The following MRPL28 variants were observed in gnomAD, a reference collection of about 807,000 sequenced individuals.
MRPL28 encodes the protein mitochondrial ribosomal protein L28, also known as large ribosomal subunit protein bL28m.
Under a neutral mutation model 26.2 loss-of-function variants are expected in MRPL28, and 25 were observed. That is an observed-to-expected ratio of 0.95 (90% confidence interval 0.69 to 1.33). The LOEUF (loss-of-function observed/expected upper bound fraction) is 1.33. MRPL28 is among the 40% of genes most tolerant of loss of function. The pLI, the probability that MRPL28 is intolerant of heterozygous loss-of-function variation, is 0.00. For synonymous variants in MRPL28, 227 were observed against 140.1 expected (o/e 1.62, Z -4.38); for missense variants, 432 against 327.2 (o/e 1.32, Z -2.47).
intron 1 of MRPL28, 26 bp from the exon 2 acceptor site, chr16:370,251 C>G (rs369286153): frequency 3.9e-6 from 6 of 1,527,292 alleles, no homozygotes. Context: ...GGCTCGCAGT[C>G]AGTCGCAGCC....
In MRPL28 at chr16:370,174, C is replaced by G. The variant is rs1370883900; in HGVS notation, c.45G>C (p.Gln15His). 1.3e-6 allele frequency: 2 copies of G among 1,599,276 alleles called. No homozygotes were observed. The highest frequency in any genetic ancestry group is 1.3e-5 in the African/African-American group (1 of 74,714). ...GGCGGGAACAGATGCCCTCCCGCAG[C>G]TGCAGCCGCTTCCAGAGCCACACGG... ...KYPVWLWKRLQLREGICSRLP... is the reference protein window; with the variant it reads ...KYPVWLWKRLHLREGICSRLP... Residue 15 changes from glutamine to histidine, a missense_variant, in exon 2 of 6, where the codon CAG becomes CAC. By Grantham distance (24) the Gln-to-His change is conservative. Coordinates refer to ENST00000199706, the MANE Select transcript of MRPL28 (RefSeq NM_006428.5).
intron 2 of MRPL28, 158 bp downstream of exon 2, chr16:369,773 G>T (rs961847897): frequency 2.0e-6 from 2 of 976,804 alleles, no homozygotes. Flanking sequence ...CCAGAACTGC[G>T]GTTCTTCACT....
In MRPL28 at chr16:368,632, G is replaced by A; in HGVS notation, c.445C>T (p.Pro149Ser). ...AACTTGGAGCACAGGTCCTCCTTCGGGGTCTGGCAGAAGGCTCACATGGGG... is the reference window on the plus strand; with the variant it reads ...AACTTGGAGCACAGGTCCTCCTTCGAGGTCTGGCAGAAGGCTCACATGGGG... ...YGLDFYILKT[P>S]KEDLCSKFGM... Residue 149 changes from proline (P) to serine (S), a missense_variant, in exon 4 of 6, where the codon CCG becomes TCG. Coordinates refer to ENST00000199706, the MANE Select transcript of MRPL28 (RefSeq NM_006428.5). 1 of 1,550,412 alleles carries A rather than the reference G, an allele frequency of 6.4e-7. No individual in the cohort carries two copies. The highest frequency in any genetic ancestry group is 1.9e-5 in the Admixed American group (1 of 52,636).
Position 368,422 on chromosome 16 carries a change from G to A in MRPL28, c.577-8C>T, listed in dbSNP as rs1428633841. On this transcript the variant is annotated splice_polypyrimidine_tract_variant and splice_region_variant and intron_variant, in intron 4 of 5. Coordinates refer to ENST00000199706, the MANE Select transcript of MRPL28 (RefSeq NM_006428.5). ...CTCTGGGATGGCAAATTCCTAGGCAGGCAGAGATGGAAAGGGCAGTGAGGC... is the reference window on the plus strand; with the variant it reads ...CTCTGGGATGGCAAATTCCTAGGCAAGCAGAGATGGAAAGGGCAGTGAGGC... 3 of 1,613,730 alleles carry A rather than the reference G, an allele frequency of 1.9e-6. No individual in the cohort carries two copies. The highest frequency in any genetic ancestry group is 2.2e-5 in the South Asian group (2 of 91,078).
Position 370,041 on chromosome 16 carries a change from C to A in MRPL28, c.178G>T (p.Glu60Ter). The change falls in exon 2 of 6, where the codon GAG (glutamate) becomes TAG (stop). Residue 60 changes from glutamate to a stop codon, truncating the protein, a stop_gained. Transcript: ENST00000199706. LOFTEE classifies it high-confidence loss of function. ...GGAATGGGCACGTCCTCCACACGCTCCCGCTGCCCGTTCTTGGGGTTGATC... is the reference window on the plus strand; with the variant it reads ...GGAATGGGCACGTCCTCCACACGCTACCGCTGCCCGTTCTTGGGGTTGATC... ...FKINPKNGQR[E>*]RVEDVPIPIY... 6.2e-7 allele frequency: 1 copy of A among 1,613,236 alleles called. No individual in the cohort carries two copies. The highest frequency in any genetic ancestry group is 1.7e-5 in the Admixed American group (1 of 59,988).
chr16:368,778 G>GC, intron 3 of MRPL28, 143 bp from the exon 4 acceptor site: 1 of 1,304,976 alleles, frequency 7.7e-7, no homozygotes, highest in Non-Finnish European at 1.0e-6. Flanking sequence ...CAGCACCCCA[G>GC]CCTGGGGGGT....
Position 370,265 on chromosome 16 carries a change from C to A in MRPL28, c.-7-40G>T, listed in dbSNP as rs1567320513. 2.7e-6 allele frequency: 4 copies of A among 1,498,068 alleles called. No homozygotes were observed. The East Asian group carries it at 9.6e-5, about 36-fold the overall frequency. The allele number at this position is 1,498,068 out of a possible 1,614,324, so 92.8% of individuals were successfully genotyped here. A position where few individuals can be genotyped will look rare whatever the true frequency, so the allele number is the denominator to read the frequency against. ...GGGCTCGCAGTCAGTCGCAGCCTGG[C>A]CAGGCCCCCGGCACTCACCCCCTAC... is the stretch of plus-strand genomic sequence containing the variant. On this transcript the variant is annotated intron_variant, in intron 1 of 5. Transcript: ENST00000199706.
At chr16:368,873 G>A in intron 3 of MRPL28, 195 bp downstream of exon 3, 2 of 981,508 alleles carry the variant, frequency 2.0e-6, no homozygotes, top group South Asian at 1.7e-5. Context: ...GCCACCCACA[G>A]AGCGACAGCC....
In MRPL28 at chr16:368,333, C is replaced by G; in HGVS notation, c.658G>C (p.Glu220Gln). ...GCTGGTGCTCACACACTCACCTTCT[C>G]CTCCAAAAGTCTCTGCTTCTCAATG... ...EAIEKQRLLE[E>Q]KDPVPLFKIY... is the part of the protein sequence containing the mutation. The change falls in exon 5 of 6, where the codon GAG becomes CAG. Residue 220 changes from glutamate (E) to glutamine (Q), a missense_variant. Physicochemically the swap from Glu to Gln is conservative, Grantham distance 29. Transcript: ENST00000199706. 6.2e-7 allele frequency: 1 copy of G among 1,613,186 alleles called. No homozygotes were observed. Among genetic ancestry groups the G allele is most frequent in the African/African-American group, 1.3e-5 (1 of 75,040 alleles).
In MRPL28 at chr16:368,546, G is replaced by A; in HGVS notation, c.531C>T (p.His177=). ...CTGCCCGCCGCTCGGGGTCCTCGGG[G>A]TGCAGCTGGGGGTCCTGCCGGGCAA... ...LRLARQDPQL[H]PEDPERRAAI... Residue 177 remains histidine, a synonymous_variant, in exon 4 of 6, where the codon CAC becomes CAT. Transcript: ENST00000199706. 6.3e-7 allele frequency: 1 copy of A among 1,596,572 alleles called. No individual in the cohort carries two copies. The highest frequency in any genetic ancestry group is 1.3e-5 in the African/African-American group (1 of 74,782).
chr16:368,706 G>A, intron 3 of MRPL28, 71 bp from the exon 4 acceptor site: 3 of 1,510,474 alleles, frequency 2.0e-6, no homozygotes, highest in African/African-American at 1.4e-5. Context: ...CAACCCACCT[G>A]GCTCCTCTCT....
In MRPL28 at chr16:367,041, C is replaced by T. The variant is rs1388303458; in HGVS notation, c.*634G>A. Among the ~76,000 whole-genome samples, 1 of 152,092 alleles carries T rather than the reference C, an allele frequency of 6.6e-6. No homozygotes were observed. The highest frequency in any genetic ancestry group is 6.5e-5 in the Admixed American group (1 of 15,276). On this transcript the variant is annotated 3_prime_UTR_variant, in exon 6 of 6. Transcript: ENST00000199706. ...TGGCCAACATGGTGAAACCCCTTCT[C>T]TACTAAAATACAATTAGCCATACAT...
At position 368,561 on chromosome 16, in the gene MRPL28, C is replaced by T; in HGVS notation, c.516G>A (p.Gln172=). The T allele has an allele frequency of 6.3e-7, 1 of 1,597,926 alleles. No individual in the cohort carries two copies. The highest frequency in any genetic ancestry group is 8.5e-7 in the Non-Finnish European group (1 of 1,170,294). ...KRGMLLRLAR[Q]DPQLHPEDPE... ...GGTCCTCGGGGTGCAGCTGGGGGTC[C>T]TGCCGGGCAAGCCGCAGCAGCATCC... The change falls in exon 4 of 6, where the codon CAG becomes CAA. Residue 172 remains glutamine (Q), a synonymous_variant. Coordinates refer to ENST00000199706, the MANE Select transcript of MRPL28 (RefSeq NM_006428.5).
At chr16:369,856 T>A in intron 2 of MRPL28, 75 bp downstream of exon 2, 1 of 1,534,432 alleles carries the variant, frequency 6.5e-7, no homozygotes, top group Admixed American at 1.8e-5. Flanking sequence ...TCTCTCCAGG[T>A]ACCCCGGGCG....
chr16:367,694 T>G lies in MRPL28; in HGVS notation c.752A>C (p.Lys251Thr). ...QALSEPAVVQ[K>T]RASGQ Reference sequence around the variant, plus strand: ...GTGTGGTCACTGGCCACTGGCTCTCTTCTGCACCACCGCCGGCTCTGACAG... The same window carrying G: ...GTGTGGTCACTGGCCACTGGCTCTCGTCTGCACCACCGCCGGCTCTGACAG... The change falls in exon 6 of 6, where the codon AAG becomes ACG. Residue 251 changes from lysine to threonine, a missense_variant. By Grantham distance (78) the Lys-to-Thr change is moderately conservative (BLOSUM62 -1). Transcript: ENST00000199706. 6.2e-7 allele frequency: 1 copy of G among 1,613,730 alleles called. No homozygotes were observed. Among genetic ancestry groups the G allele is most frequent in the South Asian group, 1.1e-5 (1 of 91,090 alleles).
rs754796071 is a variant in MRPL28, at chr16:370,241, G to C, written c.-7-16C>G. On this transcript the variant is annotated splice_polypyrimidine_tract_variant and intron_variant, in intron 1 of 5. Coordinates refer to ENST00000199706, the MANE Select transcript of MRPL28 (RefSeq NM_006428.5). Reference sequence around the variant, plus strand: ...CATCGCGAGCCTGGCGGGAGGTGGGGGCTCGCAGTCAGTCGCAGCCTGGCC... The same window carrying C: ...CATCGCGAGCCTGGCGGGAGGTGGGCGCTCGCAGTCAGTCGCAGCCTGGCC... The C allele has an allele frequency of 1.3e-6, 2 of 1,542,874 alleles. No individual in the cohort carries two copies. Among genetic ancestry groups the C allele is most frequent in the African/African-American group, 2.7e-5 (2 of 72,882 alleles).
intron 3 of MRPL28, 30 bp downstream of exon 3, chr16:369,038 G>T (rs770801309): frequency 1.2e-5 from 19 of 1,609,334 alleles, no homozygotes; most frequent in Non-Finnish European, 1.6e-5. Flanking sequence ...CCCAGACCCT[G>T]TGTGCACTGA....
rs76193559 is a variant in MRPL28 at position 367,876 on chromosome 16, C to A, written c.664-94G>T. ...GATCAGCAGCTGCCGCCCAGAGGAA[C>A]CGGGGCATGAGAGGCCCTGGAGGGC... On this transcript the variant is annotated intron_variant, in intron 5 of 5. Coordinates refer to ENST00000199706, the MANE Select transcript of MRPL28 (RefSeq NM_006428.5). The A allele has an allele frequency of 4.7e-4, 509 of 1,094,412 alleles. 3 individuals are homozygous for A. In the African/African-American group the frequency reaches 7.0e-3, roughly 15 times the overall value. 67.8% of individuals were successfully genotyped at this position (1,094,412 alleles called of 1,614,324 possible).
At position 370,220 on chromosome 16, in the gene MRPL28, G is replaced by A. The variant is rs199857010; in HGVS notation, c.-2C>T. 96 of 1,570,072 alleles carry A rather than the reference G, an allele frequency of 6.1e-5. No individual in the cohort carries two copies. In the African/African-American group the frequency reaches 9.5e-4, roughly 16 times the overall value. On this transcript the variant is annotated 5_prime_UTR_variant, in exon 2 of 6. Coordinates refer to ENST00000199706, the MANE Select transcript of MRPL28 (RefSeq NM_006428.5). ...CACGGGATACTTGTGTAGAGGCATC[G>A]CGAGCCTGGCGGGAGGTGGGGGCTC...
Sources: allele counts gnomAD v4.1 joint callset (sites outside exome capture counted in the v4.1 genomes callset), GRCh38; gene constraint gnomAD v4.1.1; transcripts MANE v1.5; gene names NCBI Gene and HGNC (gene_info 2026-07-23, HGNC 2026-07-21).